CTXND1: variants seen among roughly 807,000 people sequenced by gnomAD.
The protein encoded by CTXND1 is cortexin domain containing 1, also known as cortexin domain-containing 1 protein.
At position 80,201,065 on chromosome 15, in the gene CTXND1, T is replaced by C. The variant is rs952294797; in HGVS notation, c.*705A>G. The C allele has an allele frequency of 1.3e-5, 2 of 152,190 alleles. No individual in the cohort carries two copies. Among genetic ancestry groups the C allele is most frequent in the Non-Finnish European group, 2.9e-5 (2 of 68,036 alleles). 9.4% of individuals were successfully genotyped at this position (152,190 alleles called of 1,614,324 possible). A position where few individuals can be genotyped will look rare whatever the true frequency, so the allele number is the denominator to read the frequency against. On this transcript the variant is annotated 3_prime_UTR_variant, in exon 3 of 3. Coordinates refer to ENST00000560778, the MANE Select transcript of CTXND1 (RefSeq NM_001352888.2). ...AAGGCTGGAAGAAAATATATCAAAA[T>C]GGTGGTTTCCGGGAGGTGGGATTAT...
intron 1 of CTXND1, among the ~76,000 whole-genome samples, chr15:80,221,948 T>A (rs1028788144): frequency 3.2e-4 from 48 of 152,190 alleles, no homozygotes; most frequent in African/African-American, 1.1e-3. Context: ...TCTAGTTTCA[T>A]TGCACCGTGG....
Position 80,213,393 on chromosome 15 carries a change from A to G in CTXND1, c.-217-9653T>C, listed in dbSNP as rs138828303. 4.6e-5 allele frequency among the ~76,000 whole-genome samples: 7 copies of G among 152,292 alleles called. No homozygotes were observed. The East Asian group carries it at 9.6e-4, about 21-fold the overall frequency. On this transcript the variant is annotated intron_variant, in intron 1 of 2. Transcript: ENST00000560778. ...TTGGAACTTGTGAATGTTACCTTATATGGCAAAAAGGACCGTGCAGATGTG... is the reference window on the plus strand; with the variant it reads ...TTGGAACTTGTGAATGTTACCTTATGTGGCAAAAAGGACCGTGCAGATGTG...
chr15:80,210,025 A>G (rs1481076208), intron 1 of CTXND1, among the ~76,000 whole-genome samples: 1 of 152,228 alleles, frequency 6.6e-6, no homozygotes, highest in Non-Finnish European at 1.5e-5. Flanking sequence ...AAAGTTATAG[A>G]AGATTAGAAA....
Position 80,199,369 on chromosome 15 carries a change from T to G in CTXND1, c.*2401A>C, listed in dbSNP as rs2041436954. 1 of 152,252 alleles carries G rather than the reference T, an allele frequency of 6.6e-6. No individual in the cohort carries two copies. Among genetic ancestry groups the G allele is most frequent in the African/African-American group, 2.4e-5 (1 of 41,460 alleles). 9.4% of individuals were successfully genotyped at this position (152,252 alleles called of 1,614,324 possible). A position where few individuals can be genotyped will look rare whatever the true frequency, so the allele number is the denominator to read the frequency against. On this transcript the variant is annotated 3_prime_UTR_variant, in exon 3 of 3. Coordinates refer to ENST00000560778, the MANE Select transcript of CTXND1 (RefSeq NM_001352888.2). ...AACCACAGTTTAAGTTGCACTGCCC[T>G]GGAGCACCCTCTTTTTCACCCCTGA...
rs922153318 is a variant in CTXND1, at chr15:80,201,688, A to C, written c.*82T>G. ...TCATTCCTTGCCTCTGTGGGATGGC[A>C]GGCTGGCAGGGAACACACGGATGCA... On this transcript the variant is annotated 3_prime_UTR_variant, in exon 3 of 3. Coordinates refer to ENST00000560778, the MANE Select transcript of CTXND1 (RefSeq NM_001352888.2). The C allele has an allele frequency of 1.5e-5, 6 of 397,884 alleles. No individual in the cohort carries two copies. The Admixed American group carries it at 2.2e-4, about 15-fold the overall frequency. 24.6% of individuals were successfully genotyped at this position (397,884 alleles called of 1,614,324 possible). A position where few individuals can be genotyped will look rare whatever the true frequency, so the allele number is the denominator to read the frequency against.
At chr15:80,214,400 A>G (rs920243824) in intron 1 of CTXND1, among the ~76,000 whole-genome samples, 6 of 152,194 alleles carry the variant, frequency 3.9e-5, no homozygotes, top group Non-Finnish European at 8.8e-5. Context: ...AATATTTACA[A>G]AAATTGATTT....
chr15:80,205,371 CT>C, intron 1 of CTXND1, among the ~76,000 whole-genome samples: 1 of 152,280 alleles, frequency 6.6e-6, no homozygotes. Context: ...TCAGGTGAAA[CT>C]GCTGTGTCTA....
At chr15:80,224,384 A>C (rs1219221734) in intron 1 of CTXND1, among the ~76,000 whole-genome samples, 2 of 152,268 alleles carry the variant, frequency 1.3e-5, no homozygotes, top group Non-Finnish European at 2.9e-5. Flanking sequence ...ACAGGCAACC[A>C]GAACAGTCTA....
At position 80,247,591 on chromosome 15, in the gene CTXND1, T is replaced by C. The variant is rs1893647768; in HGVS notation, c.-218+4416A>G. ...CAAATCCACCCTCCTCACACTAACA[T>C]AGAAACCCATTATCTTGCTGAGGAG... On this transcript the variant is annotated intron_variant, in intron 1 of 2. Coordinates refer to ENST00000560778, the MANE Select transcript of CTXND1 (RefSeq NM_001352888.2). 1.3e-5 allele frequency among the ~76,000 whole-genome samples: 2 copies of C among 152,072 alleles called. 1 individual carries two copies. Among genetic ancestry groups the C allele is most frequent in the South Asian group, 4.1e-4 (2 of 4,826 alleles).
chr15:80,209,170 C>T (rs1244207377), intron 1 of CTXND1, among the ~76,000 whole-genome samples: 1 of 152,168 alleles, frequency 6.6e-6, no homozygotes, highest in African/African-American at 2.4e-5. Flanking sequence ...TCTCCTGGAT[C>T]CTTCTGGGTG....
At chr15:80,204,899 T>C (rs1893132830) in intron 1 of CTXND1, among the ~76,000 whole-genome samples, 1 of 152,164 alleles carries the variant, frequency 6.6e-6, no homozygotes, top group Non-Finnish European at 1.5e-5. Context: ...TTAATAGTTG[T>C]ACACTTTTCA....
chr15:80,232,941 C>CTTTTT (rs71455324), intron 1 of CTXND1, among the ~76,000 whole-genome samples: 1 of 123,212 alleles, frequency 8.1e-6, no homozygotes, highest in African/African-American at 3.1e-5. Context: ...ATGCAACTTC[C>CTTTTT]TTTTTTTTTT....
intron 1 of CTXND1, among the ~76,000 whole-genome samples, chr15:80,237,673 C>T (rs28880953): frequency 2.6e-5 from 4 of 152,002 alleles, no homozygotes; most frequent in Non-Finnish European, 5.9e-5. Context: ...ATTTTGTACA[C>T]TATGTTTGTG....
Position 80,199,412 on chromosome 15 carries a change from G to A in CTXND1, c.*2358C>T, listed in dbSNP as rs890536639. 4 of 152,220 alleles carry A rather than the reference G, an allele frequency of 2.6e-5. No homozygotes were observed. The highest frequency in any genetic ancestry group is 5.9e-5 in the Non-Finnish European group (4 of 68,056). 9.4% of individuals were successfully genotyped at this position (152,220 alleles called of 1,614,324 possible). On this transcript the variant is annotated 3_prime_UTR_variant, in exon 3 of 3. Coordinates refer to ENST00000560778, the MANE Select transcript of CTXND1 (RefSeq NM_001352888.2). ...ACCCCTGAGGGTTCTAAAGTGTGTC[G>A]GGGAGGTCTGGAAGACCTTTTCTTT... is the stretch of plus-strand genomic sequence containing the variant.
intron 1 of CTXND1, among the ~76,000 whole-genome samples, chr15:80,215,467 C>T (rs1283455161): frequency 6.6e-6 from 1 of 152,120 alleles, no homozygotes; most frequent in Non-Finnish European, 1.5e-5. Flanking sequence ...TGTCTCCTCT[C>T]CTTGAGGACA....
In CTXND1 at chr15:80,196,363, A is replaced by C. The variant is rs1472462904; in HGVS notation, c.*5407T>G. On this transcript the variant is annotated 3_prime_UTR_variant, in exon 3 of 3. Transcript: ENST00000560778. ...CACTAAGAATTTGAATCCTCTGTGG[A>C]TGAAGATTTGGGTCATTCCACCAGA... The C allele has an allele frequency of 6.6e-6, 1 of 152,208 alleles. No individual in the cohort carries two copies. The highest frequency in any genetic ancestry group is 1.5e-5 in the Non-Finnish European group (1 of 68,042). The allele number at this position is 152,208 out of a possible 1,614,324, so 9.4% of individuals were successfully genotyped here. A position where few individuals can be genotyped will look rare whatever the true frequency, so the allele number is the denominator to read the frequency against.
At chr15:80,235,008 C>T (rs910511917) in intron 1 of CTXND1, among the ~76,000 whole-genome samples, 19 of 147,172 alleles carry the variant, frequency 1.3e-4, no homozygotes, top group Non-Finnish European at 2.6e-4. Context: ...CTCTGCCCCC[C>T]TGGTGGCTGG....
At position 80,201,450 on chromosome 15, in the gene CTXND1, A is replaced by G; in HGVS notation, c.*320T>C. 1 of 238,528 alleles carries G rather than the reference A, an allele frequency of 4.2e-6. No individual in the cohort carries two copies. Among genetic ancestry groups the G allele is most frequent in the Non-Finnish European group, 8.0e-6 (1 of 124,416 alleles). The allele number at this position is 238,528 out of a possible 1,614,324, so 14.8% of individuals were successfully genotyped here. On this transcript the variant is annotated 3_prime_UTR_variant, in exon 3 of 3. Transcript: ENST00000560778. ...GTGTCTGTTGCTGGATCCAGTTCCA[A>G]AAGGTGCCCAGGAACCTGGGAAGGT...
Position 80,202,019 on chromosome 15 carries a change from A to G in CTXND1, c.-65-5T>C. On this transcript the variant is annotated splice_region_variant and splice_polypyrimidine_tract_variant and intron_variant, in intron 2 of 2. Transcript: ENST00000560778. ...GACTGGTACCATTTTCCACCCCTGC[A>G]GAGACAGCCACAGCAGTGGGGAAGG... The G allele has an allele frequency of 2.5e-6, 1 of 398,528 alleles. No individual in the cohort carries two copies. The highest frequency in any genetic ancestry group is 3.6e-5 in the East Asian group (1 of 28,056). 24.7% of individuals were successfully genotyped at this position (398,528 alleles called of 1,614,324 possible).
Sources: allele counts gnomAD v4.1 joint callset (sites outside exome capture counted in the v4.1 genomes callset), GRCh38; gene constraint gnomAD v4.1.1; transcripts MANE v1.5; gene names NCBI Gene and HGNC (gene_info 2026-07-23, HGNC 2026-07-21).